Variants in PRELID2 observed in about 807,000 individuals in gnomAD.
The protein encoded by PRELID2 is PRELI domain-containing protein 2.
Under a neutral mutation model 28.4 loss-of-function variants are expected in PRELID2, and 25 were observed. That is an observed-to-expected ratio of 0.88 (90% CI 0.64 to 1.23). The LOEUF (loss-of-function observed/expected upper bound fraction) is 1.23, where lower values mean the gene tolerates loss of function less well. Among genes scored for constraint, PRELID2 ranks in the 50% most tolerant of loss-of-function variants. The pLI is 0.00. For missense variants in PRELID2, 201 were observed against 214.4 expected, an observed-to-expected ratio of 0.94 and a Z score of 0.39; for synonymous variants, 76 against 71.6, an observed-to-expected ratio of 1.06 and a Z score of -0.31.
At chr5:145,735,103 G>A (rs1756457854) in intron 1 of PRELID2, among the ~76,000 whole-genome samples, 1 of 151,726 alleles carries the variant, frequency 6.6e-6, no homozygotes, top group Non-Finnish European at 1.5e-5. Flanking sequence ...AAATTAGCCA[G>A]GCATGGTGGC....
intron 1 of PRELID2, among the ~76,000 whole-genome samples, chr5:145,647,802 A>C (rs1754223545): frequency 6.6e-6 from 1 of 152,150 alleles, no homozygotes; most frequent in African/African-American, 2.4e-5. Flanking sequence ...GAATTCCCCC[A>C]ACCCTTGCGC....
rs186643356 is a variant in PRELID2 at position 145,824,962 on chromosome 5, A to G, written c.76-1828T>C. Among the ~76,000 whole-genome samples the G allele has an allele frequency of 4.1e-3, 620 of 152,198 alleles. 1 individual carries two copies. Among genetic ancestry groups the G allele is most frequent in the African/African-American group, 0.013 (555 of 41,554 alleles). Reference sequence around the variant, plus strand: ...AATGCTTGGCTGGGCATGGAGGTTCATGCCTGTAATCCCAGCACTTTGGGA... The same window carrying G: ...AATGCTTGGCTGGGCATGGAGGTTCGTGCCTGTAATCCCAGCACTTTGGGA... On this transcript the variant is annotated intron_variant, in intron 1 of 6. Coordinates refer to ENST00000683046, the MANE Select transcript of PRELID2 (RefSeq NM_205846.3).
the PRELID2 span, among the ~76,000 whole-genome samples, chr5:145,421,906 G>C: frequency 6.6e-6 from 1 of 151,664 alleles, no homozygotes. Flanking sequence ...TGCTTTGAAT[G>C]CGTCCCAGAG....
the PRELID2 span, among the ~76,000 whole-genome samples, chr5:145,249,424 C>A: frequency 1.3e-5 from 2 of 151,990 alleles, no homozygotes; most frequent in African/African-American, 4.8e-5. Context: ...CTATAATTAC[C>A]TTCTAAAATC....
intron 1 of PRELID2, among the ~76,000 whole-genome samples, chr5:145,558,718 C>G (rs752520844): frequency 1.3e-5 from 2 of 152,174 alleles, no homozygotes; most frequent in Non-Finnish European, 2.9e-5. Context: ...ACTGAAGAGT[C>G]TGAGGATTTT....
intron 5 of PRELID2, among the ~76,000 whole-genome samples, chr5:145,787,480 T>C (rs1752072913): frequency 6.6e-6 from 1 of 152,100 alleles, no homozygotes; most frequent in Admixed American, 6.6e-5. Context: ...AAAAGCTCCC[T>C]AAATAGTATG....
At chr5:145,429,729 ACT>A in the PRELID2 span, 2 of 151,934 alleles carry the variant, frequency 1.3e-5, no homozygotes, top group African/African-American at 4.8e-5. Context: ...AGAAGTGGAG[ACT>A]CTTTCCCCAC....
chr5:145,621,994 GA>G (rs960213011), intron 1 of PRELID2, among the ~76,000 whole-genome samples: 1 of 151,482 alleles, frequency 6.6e-6, no homozygotes, highest in African/African-American at 2.4e-5. Context: ...AAAACAAAAA[GA>G]AAAAAAACTA....
chr5:145,364,970 G>A, the PRELID2 span, among the ~76,000 whole-genome samples: 4 of 152,000 alleles, frequency 2.6e-5, no homozygotes, highest in African/African-American at 7.2e-5. Context: ...ACTACACAAA[G>A]TAGTCAGAAA....
chr5:145,371,472 T>C, the PRELID2 span, among the ~76,000 whole-genome samples: 6 of 152,122 alleles, frequency 3.9e-5, no homozygotes, highest in African/African-American at 1.2e-4. Flanking sequence ...CAATTTATCA[T>C]GGTGGATTAC....
At chr5:145,624,035 C>T (rs570901357) in intron 1 of PRELID2, among the ~76,000 whole-genome samples, 1 of 152,274 alleles carries the variant, frequency 6.6e-6, no homozygotes, top group Admixed American at 6.5e-5. Context: ...CTCACTAGAA[C>T]AGCCCAAATA....
chr5:145,712,122 G>A (rs1302821344), intron 1 of PRELID2, among the ~76,000 whole-genome samples: 1 of 152,210 alleles, frequency 6.6e-6, no homozygotes, highest in Non-Finnish European at 1.5e-5. Flanking sequence ...CTGGTGTGCT[G>A]GAGCCATCAA....
the PRELID2 span, among the ~76,000 whole-genome samples, chr5:145,253,497 A>AT: frequency 6.6e-6 from 1 of 152,126 alleles, no homozygotes; most frequent in Non-Finnish European, 1.5e-5. Flanking sequence ...TCCATCTGAC[A>AT]TCCATGCTTT....
intron 1 of PRELID2, among the ~76,000 whole-genome samples, chr5:145,640,629 G>C (rs1754091486): frequency 6.7e-6 from 1 of 148,180 alleles, no homozygotes; most frequent in South Asian, 2.1e-4. Flanking sequence ...GGGCTACAGA[G>C]CGAGACTCTG....
chr5:145,511,499 C>T (rs865795560), intron 1 of PRELID2, among the ~76,000 whole-genome samples: 1 of 152,212 alleles, frequency 6.6e-6, no homozygotes, highest in Non-Finnish European at 1.5e-5. Flanking sequence ...GAATACCCAA[C>T]AGACAGTGAA....
At chr5:145,697,048 T>G (rs1420323777) in intron 1 of PRELID2, among the ~76,000 whole-genome samples, 1 of 109,402 alleles carries the variant, frequency 9.1e-6, no homozygotes, top group African/African-American at 4.6e-5. Context: ...TATATATATA[T>G]ATATATATAT....
the PRELID2 span, among the ~76,000 whole-genome samples, chr5:145,296,871 A>C: frequency 6.6e-6 from 1 of 152,118 alleles, no homozygotes; most frequent in Admixed American, 6.6e-5. Context: ...CTGACTTTTT[A>C]ATGATTGTCA....
chr5:145,260,674 G>C, the PRELID2 span, among the ~76,000 whole-genome samples: 1 of 152,102 alleles, frequency 6.6e-6, no homozygotes, highest in African/African-American at 2.4e-5. Flanking sequence ...CAGAGAAAAG[G>C]GCAGAAAAAA....
At chr5:145,297,190 A>T in the PRELID2 span, among the ~76,000 whole-genome samples, 3 of 151,920 alleles carry the variant, frequency 2.0e-5, no homozygotes, top group African/African-American at 7.3e-5. Flanking sequence ...GAAGCTCTTT[A>T]GTTTAATTAG....
Sources: allele counts gnomAD v4.1 joint callset (sites outside exome capture counted in the v4.1 genomes callset), GRCh38; gene constraint gnomAD v4.1.1; transcripts MANE v1.5; gene names NCBI Gene and HGNC (gene_info 2026-07-23, HGNC 2026-07-21).